PTCH1: variants seen among roughly 807,000 people sequenced by gnomAD.
The protein encoded by PTCH1 is patched 1, also known as protein patched homolog 1.
In PTCH1, 14 loss-of-function variants were observed where a neutral mutation model predicts 144.6. The ratio of observed to expected loss-of-function variants is 0.10; its 90% confidence interval spans 0.06 to 0.15. The LOEUF (loss-of-function observed/expected upper bound fraction) is 0.15, where lower values mean the gene tolerates loss of function less well. Among genes scored for constraint, PTCH1 ranks in the 10% least tolerant of loss-of-function variants. The probability of loss-of-function intolerance (pLI) is 1.00; values close to 1 mark genes in which losing one functional copy is unlikely to be tolerated. For synonymous variants in PTCH1, 833 were observed against 793.6 expected (o/e 1.05, Z -0.83); for missense variants, 1,623 against 1,948.3 (o/e 0.83, Z 3.14).
intron 2 of PTCH1, among the ~76,000 whole-genome samples, chr9:95,495,634 T>TAACCCTAAC (rs1842739055): frequency 6.6e-6 from 1 of 152,010 alleles, no homozygotes; most frequent in South Asian, 2.1e-4. Context: ...GGCTAACACC[T>TAACCCTAAC]CCAGAACGGT....
chr9:95,515,489 TGA>T (rs1467945499), intron 1 of PTCH1, among the ~76,000 whole-genome samples: 2 of 152,170 alleles, frequency 1.3e-5, no homozygotes, highest in Non-Finnish European at 2.9e-5. Context: ...TCAGTTTCCC[TGA>T]GAGTGTGCTC....
At chr9:95,466,515 G>C (rs1840014185) in intron 15 of PTCH1, among the ~76,000 whole-genome samples, 1 of 152,186 alleles carries the variant, frequency 6.6e-6, no homozygotes, top group African/African-American at 2.4e-5. Flanking sequence ...TGTAACAAAT[G>C]CATCCCTCTG....
intron 10 of PTCH1, 103 bp downstream of exon 10, chr9:95,477,444 T>C: frequency 1.3e-6 from 2 of 1,510,648 alleles, no homozygotes; most frequent in Non-Finnish European, 1.8e-6. Context: ...TGCAAGACCC[T>C]TCCGGTGAGA....
intron 12 of PTCH1, among the ~76,000 whole-genome samples, chr9:95,473,731 AC>A (rs1221679462): frequency 1.3e-5 from 2 of 151,232 alleles, no homozygotes; most frequent in Non-Finnish European, 2.9e-5. Context: ...TTTAGTAGAG[AC>A]GGGGTTTCAC....
In PTCH1 at chr9:95,447,210, G is replaced by A. The variant is rs773298544; in HGVS notation, c.4046C>T (p.Pro1349Leu). Reference sequence around the variant, plus strand: ...CATGGCAGTGGACGCTGGGTTCCGAGGGTTGTGAGAACGGGCCCCGCGAGG... The same window carrying A: ...CATGGCAGTGGACGCTGGGTTCCGAAGGTTGTGAGAACGGGCCCCGCGAGG... ...WGPRGARSHN[P>L]RNPASTAMGS... The change falls in exon 23 of 24, where the codon CCT (proline) becomes CTT (leucine). Residue 1349 changes from proline to leucine, a missense_variant. Coordinates refer to ENST00000331920, the MANE Select transcript of PTCH1 (RefSeq NM_000264.5). 3 of 1,613,002 alleles carry A rather than the reference G, an allele frequency of 1.9e-6. No individual in the cohort carries two copies. The Admixed American group carries it at 5.0e-5, about 27-fold the overall frequency.
chr9:95,509,638 G>A (rs1844040749), upstream of PTCH1, among the ~76,000 whole-genome samples: 1 of 152,176 alleles, frequency 6.6e-6, no homozygotes. Flanking sequence ...CATTTGCCTC[G>A]CGGTAGACAC....
rs2066840 is a variant in PTCH1 at position 95,478,977 on chromosome 9, C to T, written c.1215+23G>A. 2.6e-3 allele frequency: 4,277 copies of T among 1,614,068 alleles called. 8 individuals carry two copies. The highest frequency in any genetic ancestry group is 3.2e-3 in the Non-Finnish European group (3,832 of 1,179,982). ...GAATTGCATAACCAGCGAGTCTGCA[C>T]GCCGATTCGAAGGTGGGTTTACCTC... is the stretch of plus-strand genomic sequence containing the variant. On this transcript the variant is annotated intron_variant, in intron 8 of 23. Coordinates refer to ENST00000331920, the MANE Select transcript of PTCH1 (RefSeq NM_000264.5).
At chr9:95,454,006 C>A (rs2136634762) in intron 19 of PTCH1, among the ~76,000 whole-genome samples, 1 of 152,336 alleles carries the variant, frequency 6.6e-6, no homozygotes, top group Middle Eastern at 3.4e-3. Context: ...TGGCTAAGAG[C>A]TTAGCTCAGT....
At chr9:95,472,703 C>T (rs533414251) in intron 12 of PTCH1, among the ~76,000 whole-genome samples, 2 of 152,248 alleles carry the variant, frequency 1.3e-5, no homozygotes, top group African/African-American at 4.8e-5. Flanking sequence ...CACCTTGCTC[C>T]GTGTCCATGA....
At chr9:95,490,400 G>A (rs1294294638) in intron 2 of PTCH1, among the ~76,000 whole-genome samples, 1 of 151,852 alleles carries the variant, frequency 6.6e-6, no homozygotes, top group Non-Finnish European at 1.5e-5. Context: ...AGGATCGCTT[G>A]AGCCCAGGAG....
At chr9:95,504,634 G>C (rs1032376393) in intron 2 of PTCH1, among the ~76,000 whole-genome samples, 2 of 152,064 alleles carry the variant, frequency 1.3e-5, no homozygotes, top group Non-Finnish European at 2.9e-5. Context: ...TAGAATCTAC[G>C]GCAGCGCCCC....
chr9:95,453,665 C>G (rs774054182), intron 19 of PTCH1, 45 bp from the exon 20 acceptor site: 1 of 1,609,482 alleles, frequency 6.2e-7, no homozygotes, highest in Admixed American at 1.7e-5. Context: ...TGGACTTCAC[C>G]TGGTAAATGC....
At position 95,506,444 on chromosome 9, in the gene PTCH1, C is replaced by T. The variant is rs377575915; in HGVS notation, c.357G>A (p.Ala119=). The T allele has an allele frequency of 6.2e-7, 1 of 1,612,642 alleles. No individual in the cohort carries two copies. The highest frequency in any genetic ancestry group is 1.1e-5 in the South Asian group (1 of 90,898). The change falls in exon 2 of 24, where the codon GCG becomes GCA. Residue 119 remains alanine (A), a synonymous_variant. Coordinates refer to ENST00000331920, the MANE Select transcript of PTCH1 (RefSeq NM_000264.5). ...FGAFAVGLKA[A]NLETNVEELW... is the part of the protein sequence containing the mutation. ...GCTCCTCCACGTTGGTCTCGAGGTT[C>T]GCTGCTTTTAATCCCACCGCGAAGG...
intron 2 of PTCH1, among the ~76,000 whole-genome samples, chr9:95,501,967 C>T (rs546101358): frequency 1.3e-5 from 2 of 152,130 alleles, no homozygotes; most frequent in Non-Finnish European, 2.9e-5. Context: ...TGAGCACACT[C>T]GTGAGACAGG....
chr9:95,462,135 A>T, intron 15 of PTCH1, 137 bp from the exon 16 acceptor site: 1 of 1,009,692 alleles, frequency 9.9e-7, no homozygotes, highest in Non-Finnish European at 1.5e-6. Context: ...TGTGTCCCAC[A>T]TCCACTTTGA....
At chr9:95,507,192 G>C in intron 1 of PTCH1, 1 of 985,604 alleles carries the variant, frequency 1.0e-6, no homozygotes, top group Non-Finnish European at 1.2e-6. Context: ...GGCTGTGTGA[G>C]CTGAATTAGG....
chr9:95,448,143 G>A (rs761087441), intron 22 of PTCH1, among the ~76,000 whole-genome samples: 10 of 152,222 alleles, frequency 6.6e-5, no homozygotes, highest in African/African-American at 1.2e-4. Context: ...CAAAAGGACC[G>A]TGACCAACTT....
chr9:95,510,963 C>CCCAG, upstream of PTCH1, among the ~76,000 whole-genome samples: 2 of 150,392 alleles, frequency 1.3e-5, no homozygotes, highest in Middle Eastern at 6.8e-3. Flanking sequence ...CTCCCGAGAG[C>CCCAG]CCAGGCGAGG....
In PTCH1 at chr9:95,453,599, C is replaced by G. The variant is rs911494100; in HGVS notation, c.3328G>C (p.Asp1110His). 6 of 1,613,848 alleles carry G rather than the reference C, an allele frequency of 3.7e-6. No homozygotes were observed. Among genetic ancestry groups the G allele is most frequent in the Non-Finnish European group, 5.1e-6 (6 of 1,180,044 alleles). Residue 1110 changes from aspartate (D) to histidine (H), a missense_variant, in exon 20 of 24, where the codon GAC becomes CAC. Coordinates refer to ENST00000331920, the MANE Select transcript of PTCH1 (RefSeq NM_000264.5). The stretch of plus-strand genomic sequence containing the variant: ...GCAAGCACAGCCCTGCGGTTCTTGT[C>G]GCCGATGGCCGTCAGAAAGGCCTGT... ...VALAFLTAIG[D>H]KNRRAVLALE...
Sources: allele counts gnomAD v4.1 joint callset (sites outside exome capture counted in the v4.1 genomes callset), GRCh38; gene constraint gnomAD v4.1.1; transcripts MANE v1.5; gene names NCBI Gene and HGNC (gene_info 2026-07-23, HGNC 2026-07-21).